Variants in THSD7A observed in about 807,000 individuals in gnomAD.
THSD7A encodes thrombospondin type 1 domain containing 7A.
Under a neutral mutation model 231.3 loss-of-function variants are expected in THSD7A, and 96 were observed. The observed-to-expected ratio is 0.41, with a 90% CI of 0.35 to 0.49. The LOEUF (loss-of-function observed/expected upper bound fraction) is 0.49. Ranked by LOEUF, THSD7A falls within the 20% of genes least tolerant of loss-of-function variation. The pLI, the probability that THSD7A is intolerant of heterozygous loss-of-function variation, is 0.05. For missense variants in THSD7A, 2,290 were observed against 2,070.2 expected (o/e 1.11, Z -2.06); for synonymous variants, 940 against 743.3 (o/e 1.26, Z -4.30).
chr7:11,505,165 T>C lies in THSD7A; in HGVS notation c.1823-23183A>G, dbSNP rs76199984. ...TTTAGAGGATGAAAAAACTAAATTA[T>C]GTTTTGAAAGGAAAATCTGGATATT... On this transcript the variant is annotated intron_variant, in intron 6 of 27. Coordinates refer to ENST00000423059, the MANE Select transcript of THSD7A (RefSeq NM_015204.3). 1.2e-3 allele frequency among the ~76,000 whole-genome samples: 183 copies of C among 152,288 alleles called. 2 individuals carry two copies. In the East Asian group the frequency reaches 0.023, roughly 19 times the overall value.
At chr7:11,478,872 C>A (rs1786308829) in intron 7 of THSD7A, among the ~76,000 whole-genome samples, 1 of 152,092 alleles carries the variant, frequency 6.6e-6, no homozygotes, top group Non-Finnish European at 1.5e-5. Flanking sequence ...CATTTTAGCA[C>A]ACAATAGGAT....
chr7:11,724,300 T>C (rs538528454), intron 1 of THSD7A, among the ~76,000 whole-genome samples: 1 of 151,924 alleles, frequency 6.6e-6, no homozygotes, highest in African/African-American at 2.4e-5. Context: ...TTCAATGTAG[T>C]GCAAAGTCTT....
intron 1 of THSD7A, among the ~76,000 whole-genome samples, chr7:11,715,031 G>C (rs1781091065): frequency 1.3e-5 from 2 of 151,358 alleles, no homozygotes; most frequent in South Asian, 2.1e-4. Flanking sequence ...TATAGCGAAG[G>C]GTTATTTGTG....
At chr7:11,826,812 CAAAA>C (rs3037773) in intron 1 of THSD7A, among the ~76,000 whole-genome samples, 64,030 of 120,478 alleles carry the variant, frequency 0.53, 16,269 homozygotes, top group Admixed American at 0.67. Flanking sequence ...GCCTCTGTCT[CAAAA>C]AAAAAAAAAA....
intron 6 of THSD7A, among the ~76,000 whole-genome samples, chr7:11,530,064 T>C (rs1232255509): frequency 6.6e-6 from 1 of 152,218 alleles, no homozygotes; most frequent in African/African-American, 2.4e-5. Context: ...AGTTAGCATG[T>C]GAACCTAGAG....
intron 15 of THSD7A, 101 bp from the exon 16 acceptor site, chr7:11,424,930 T>G: frequency 7.2e-7 from 1 of 1,393,378 alleles, no homozygotes; most frequent in East Asian, 2.4e-5. Flanking sequence ...GAAGCTACTT[T>G]CACTCCCCTC....
chr7:11,606,418 G>C (rs959733633), intron 2 of THSD7A, among the ~76,000 whole-genome samples: 19 of 151,998 alleles, frequency 1.3e-4, no homozygotes, highest in African/African-American at 4.6e-4. Context: ...CTATGAATGG[G>C]ACCCTCCTAA....
chr7:11,477,864 G>A (rs932599085), intron 7 of THSD7A, among the ~76,000 whole-genome samples: 1 of 152,088 alleles, frequency 6.6e-6, no homozygotes, highest in African/African-American at 2.4e-5. Context: ...TTCAGTGAAT[G>A]AGGCTAATAT....
chr7:11,641,391 G>A (rs1584131511), intron 1 of THSD7A, among the ~76,000 whole-genome samples: 1 of 152,198 alleles, frequency 6.6e-6, no homozygotes, highest in East Asian at 1.9e-4. Flanking sequence ...TATTTTTGAT[G>A]TCAGTGCCAG....
chr7:11,617,521 C>T (rs1273531917), intron 2 of THSD7A, among the ~76,000 whole-genome samples: 1 of 152,110 alleles, frequency 6.6e-6, no homozygotes, highest in African/African-American at 2.4e-5. Flanking sequence ...GAAATTTTAA[C>T]TATATTACAT....
intron 23 of THSD7A, among the ~76,000 whole-genome samples, chr7:11,392,260 T>TGG (rs140926058): frequency 1.3e-5 from 2 of 151,628 alleles, no homozygotes; most frequent in African/African-American, 4.8e-5. Context: ...TGAAGCAGGG[T>TGG]GGGGTGTTGC....
chr7:11,524,915 T>C (rs564551838), intron 6 of THSD7A, among the ~76,000 whole-genome samples: 27 of 152,350 alleles, frequency 1.8e-4, no homozygotes, highest in African/African-American at 6.0e-4. Context: ...AATTTGGCTA[T>C]ATAATTATGG....
chr7:11,501,738 A>C (rs1787344533), intron 6 of THSD7A, among the ~76,000 whole-genome samples: 2 of 152,232 alleles, frequency 1.3e-5, no homozygotes, highest in South Asian at 4.1e-4. Context: ...AAGCAATAGC[A>C]AATAAACCCT....
At chr7:11,611,854 C>T (rs1050181994) in intron 2 of THSD7A, among the ~76,000 whole-genome samples, 12 of 149,894 alleles carry the variant, frequency 8.0e-5, no homozygotes. Flanking sequence ...ATCTATCTAT[C>T]TATCTATCTA....
At chr7:11,482,410 C>T (rs1786465024) in intron 6 of THSD7A, among the ~76,000 whole-genome samples, 1 of 152,090 alleles carries the variant, frequency 6.6e-6, no homozygotes, top group Non-Finnish European at 1.5e-5. Flanking sequence ...TTTTCATGAA[C>T]CAACTAATAG....
rs114412690 is a variant in THSD7A at position 11,663,190 on chromosome 7, T to C, written c.191-26229A>G. 9.2e-3 allele frequency among the ~76,000 whole-genome samples: 1,392 copies of C among 151,464 alleles called. 14 individuals carry two copies. Among genetic ancestry groups the C allele is most frequent in the African/African-American group, 0.032 (1,328 of 41,500 alleles). On this transcript the variant is annotated intron_variant, in intron 1 of 27. Coordinates refer to ENST00000423059, the MANE Select transcript of THSD7A (RefSeq NM_015204.3). The stretch of plus-strand genomic sequence containing the variant: ...ATATTAGAAACAAAAAAGGAGATTC[T>C]TCTTTAATTTATTCTTCAGACATAA...
At chr7:11,559,119 G>C (rs916337262) in intron 4 of THSD7A, among the ~76,000 whole-genome samples, 1 of 152,162 alleles carries the variant, frequency 6.6e-6, no homozygotes, top group East Asian at 1.9e-4. Context: ...TCAGGAAGGA[G>C]ATGAAGATCT....
At chr7:11,513,609 T>A (rs1787908814) in intron 6 of THSD7A, among the ~76,000 whole-genome samples, 2 of 151,952 alleles carry the variant, frequency 1.3e-5, no homozygotes, top group African/African-American at 4.8e-5. Context: ...CCATAAAAAA[T>A]AGGAAACAGA....
At chr7:11,514,589 CTATT>C (rs1158226943) in intron 6 of THSD7A, among the ~76,000 whole-genome samples, 4 of 151,990 alleles carry the variant, frequency 2.6e-5, no homozygotes, top group African/African-American at 4.8e-5. Flanking sequence ...TATATATTTT[CTATT>C]TATTTAATTG....
Sources: gnomAD v4.1 joint callset for allele counts (sites outside exome capture counted in the v4.1 genomes callset) on GRCh38, gnomAD v4.1.1 for gene constraint, MANE v1.5 for transcripts, NCBI Gene and HGNC (gene_info 2026-07-23, HGNC 2026-07-21) for gene names.